The following TBC1D8 variants were observed in gnomAD, a reference collection of about 807,000 sequenced individuals.
TBC1D8 encodes BUB2-like protein 1.
A neutral mutation model predicts 118.8 loss-of-function variants in TBC1D8; 65 were observed. The observed-to-expected ratio is 0.55, with a 90% confidence interval of 0.45 to 0.67. The LOEUF is 0.67. TBC1D8 is among the 30% of genes least tolerant of loss of function. The probability of loss-of-function intolerance (pLI) is 0.00; values close to 1 mark genes in which losing one functional copy is unlikely to be tolerated. For missense variants in TBC1D8, 1,376 were observed against 1,471.2 expected (o/e 0.94, Z 1.06); for synonymous variants, 566 against 595.8 (o/e 0.95, Z 0.73).
At chr2:101,014,299 T>C (rs1315414314) in intron 17 of TBC1D8, among the ~76,000 whole-genome samples, 1 of 152,204 alleles carries the variant, frequency 6.6e-6, no homozygotes, top group African/African-American at 2.4e-5. Context: ...AGAATAGATC[T>C]TTCATCTAGC....
At chr2:101,033,948 G>A (rs1172938344) in intron 9 of TBC1D8, among the ~76,000 whole-genome samples, 190 bp from the exon 10 acceptor site, 1 of 152,144 alleles carries the variant, frequency 6.6e-6, no homozygotes, top group African/African-American at 2.4e-5. Flanking sequence ...TGGATCACTT[G>A]AGGTCAGGAG....
chr2:101,089,031 C>G (rs933649618), intron 2 of TBC1D8, among the ~76,000 whole-genome samples: 1 of 152,140 alleles, frequency 6.6e-6, no homozygotes, highest in African/African-American at 2.4e-5. Flanking sequence ...TCTCTTCACA[C>G]TTCTTGTATT....
chr2:101,019,225 T>A, intron 17 of TBC1D8: 1 of 561,894 alleles, frequency 1.8e-6, no homozygotes, highest in South Asian at 3.7e-5. Context: ...TGCCCTTGCC[T>A]CTTCGACAGG....
At chr2:101,143,110 T>C (rs1573114001) in intron 1 of TBC1D8, among the ~76,000 whole-genome samples, 2 of 147,844 alleles carry the variant, frequency 1.4e-5, no homozygotes, top group African/African-American at 5.0e-5. Flanking sequence ...TCACCCAGAG[T>C]GGAGTGCAAT....
chr2:101,063,388 A>AT (rs534139545), intron 2 of TBC1D8, among the ~76,000 whole-genome samples: 25 of 152,228 alleles, frequency 1.6e-4, no homozygotes, highest in Middle Eastern at 3.2e-3. Flanking sequence ...TAAACCACAC[A>AT]TAAAAAAAAC....
chr2:101,103,374 G>A (rs1490691103), intron 1 of TBC1D8, among the ~76,000 whole-genome samples: 1 of 147,404 alleles, frequency 6.8e-6, no homozygotes, highest in Non-Finnish European at 1.5e-5. Flanking sequence ...AAAAACTAAG[G>A]ATCAAGAACT....
At chr2:101,018,643 A>G (rs1260439915) in intron 17 of TBC1D8, among the ~76,000 whole-genome samples, 1 of 152,236 alleles carries the variant, frequency 6.6e-6, no homozygotes, top group East Asian at 1.9e-4. Flanking sequence ...TGAATAAAAT[A>G]GCATATTCCC....
At chr2:101,045,422 G>A (rs766695520) in intron 5 of TBC1D8, among the ~76,000 whole-genome samples, 10 of 152,156 alleles carry the variant, frequency 6.6e-5, no homozygotes, top group South Asian at 2.1e-4. Flanking sequence ...TGCTCCCTCT[G>A]GTCATTCGGC....
intron 1 of TBC1D8, among the ~76,000 whole-genome samples, chr2:101,119,518 T>TA (rs1210878480): frequency 2.0e-5 from 3 of 152,218 alleles, no homozygotes; most frequent in Admixed American, 2.0e-4. Flanking sequence ...CTCCCTGGAT[T>TA]TCCTTCTAGA....
intron 2 of TBC1D8, among the ~76,000 whole-genome samples, chr2:101,077,036 T>C (rs1394377994): frequency 6.6e-6 from 1 of 152,190 alleles, no homozygotes; most frequent in African/African-American, 2.4e-5. Context: ...TTATTTTTAA[T>C]TTTTTGAGAC....
intron 2 of TBC1D8, among the ~76,000 whole-genome samples, chr2:101,080,453 C>T (rs1474712052): frequency 6.6e-6 from 1 of 152,130 alleles, no homozygotes; most frequent in East Asian, 1.9e-4. Context: ...TTTCCTCCCT[C>T]AATAAAATTC....
intron 13 of TBC1D8, 25 bp downstream of exon 13, chr2:101,028,278 G>A (rs1418055598): frequency 1.2e-6 from 2 of 1,600,774 alleles, no homozygotes; most frequent in East Asian, 4.5e-5. Flanking sequence ...GCTGCAACGG[G>A]GCATGGGGCG....
intron 1 of TBC1D8, among the ~76,000 whole-genome samples, chr2:101,121,317 A>T (rs572385022): frequency 3.2e-4 from 48 of 152,310 alleles, no homozygotes; most frequent in Admixed American, 1.8e-3. Flanking sequence ...GACATATGAC[A>T]CGTGCCAGGG....
At chr2:101,093,824 C>G (rs1676212005) in intron 1 of TBC1D8, among the ~76,000 whole-genome samples, 1 of 152,068 alleles carries the variant, frequency 6.6e-6, no homozygotes, top group Admixed American at 6.5e-5. Context: ...ATCCTCCTGC[C>G]TCAGCAACCC....
chr2:101,040,494 G>A, intron 5 of TBC1D8, 109 bp from the exon 6 acceptor site: 1 of 1,165,736 alleles, frequency 8.6e-7, no homozygotes, highest in South Asian at 1.5e-5. Context: ...TTTTGAGACA[G>A]AGTCTCGCTC....
chr2:101,019,145 C>A (rs1301750587), intron 17 of TBC1D8: 4 of 1,467,546 alleles, frequency 2.7e-6, no homozygotes, highest in Non-Finnish European at 3.7e-6. Context: ...CGTCTGTCTC[C>A]CATATTACCC....
At chr2:101,089,075 G>A (rs1251898302) in intron 2 of TBC1D8, among the ~76,000 whole-genome samples, 8 of 152,154 alleles carry the variant, frequency 5.3e-5, no homozygotes, top group Admixed American at 2.0e-4. Flanking sequence ...TTGGCCAGGC[G>A]TGGTGGCTCA....
At chr2:101,081,742 T>C (rs977359775) in intron 2 of TBC1D8, among the ~76,000 whole-genome samples, 1 of 152,252 alleles carries the variant, frequency 6.6e-6, no homozygotes, top group African/African-American at 2.4e-5. Context: ...TAGAATGATC[T>C]AGGCAGATAA....
intron 1 of TBC1D8, among the ~76,000 whole-genome samples, chr2:101,130,510 C>T (rs1678546561): frequency 6.6e-6 from 1 of 152,188 alleles, no homozygotes; most frequent in African/African-American, 2.4e-5. Flanking sequence ...CAGGCAGGAA[C>T]CTAAAAGACA....
Sources: gnomAD v4.1 joint callset for allele counts (sites outside exome capture counted in the v4.1 genomes callset) on GRCh38, gnomAD v4.1.1 for gene constraint, MANE v1.5 for transcripts, NCBI Gene and HGNC (gene_info 2026-07-23, HGNC 2026-07-21) for gene names.